REDIC1: variants seen among roughly 807,000 people sequenced by gnomAD.
The protein encoded by REDIC1 is HEI10 Interacting Protein 1.
chr12:39,678,478 A>G, the REDIC1 span, among the ~76,000 whole-genome samples: 1 of 152,066 alleles, frequency 6.6e-6, no homozygotes, highest in Admixed American at 6.5e-5. Context: ...GTCCGGGACC[A>G]GATGGATTCA....
At chr12:39,688,995 A>G in the REDIC1 span, among the ~76,000 whole-genome samples, 1 of 152,220 alleles carries the variant, frequency 6.6e-6, no homozygotes, top group African/African-American at 2.4e-5. Context: ...ACCCTTTTTA[A>G]TAGAATAGAG....
At chr12:39,698,380 C>T in the REDIC1 span, among the ~76,000 whole-genome samples, 1 of 149,622 alleles carries the variant, frequency 6.7e-6, no homozygotes, top group Non-Finnish European at 1.5e-5. Context: ...AAGAGACACA[C>T]TCCCAATACG....
At chr12:39,653,942 A>T in the REDIC1 span, among the ~76,000 whole-genome samples, 1 of 148,194 alleles carries the variant, frequency 6.7e-6, no homozygotes, top group East Asian at 2.0e-4. Context: ...GATGTTAGCT[A>T]TAGGTGTTTT....
the REDIC1 span, among the ~76,000 whole-genome samples, chr12:39,777,561 A>G: frequency 6.6e-6 from 1 of 152,176 alleles, no homozygotes; most frequent in African/African-American, 2.4e-5. Flanking sequence ...TTCCTGCACA[A>G]ATGTTGCACT....
the REDIC1 span, among the ~76,000 whole-genome samples, chr12:39,665,287 A>G: frequency 2.0e-5 from 3 of 152,230 alleles, no homozygotes; most frequent in Non-Finnish European, 4.4e-5. Flanking sequence ...AGCTTTCTAC[A>G]TATGGCTAGC....
chr12:39,900,994 T>C, the REDIC1 span, among the ~76,000 whole-genome samples: 1 of 152,056 alleles, frequency 6.6e-6, no homozygotes, highest in African/African-American at 2.4e-5. Flanking sequence ...AACAGAGATA[T>C]AGATCAATGG....
the REDIC1 span, chr12:39,864,637 C>T: frequency 7.7e-7 from 1 of 1,300,018 alleles, no homozygotes; most frequent in African/African-American, 1.5e-5. Flanking sequence ...CCATTTTCTT[C>T]CCTTCTTACA....
chr12:39,872,925 T>C, the REDIC1 span, among the ~76,000 whole-genome samples: 2 of 152,220 alleles, frequency 1.3e-5, no homozygotes, highest in African/African-American at 4.8e-5. Context: ...CCAAGCAATA[T>C]GTTAAATCAG....
At chr12:39,697,436 GATA>G in the REDIC1 span, among the ~76,000 whole-genome samples, 2 of 152,128 alleles carry the variant, frequency 1.3e-5, no homozygotes, top group African/African-American at 4.8e-5. Context: ...AAAACTCACT[GATA>G]ATAATAAGTA....
chr12:39,654,121 G>A, the REDIC1 span, among the ~76,000 whole-genome samples: 1 of 151,472 alleles, frequency 6.6e-6, no homozygotes, highest in African/African-American at 2.4e-5. Context: ...CCTTTATCAG[G>A]TTGTGAAAGT....
the REDIC1 span, among the ~76,000 whole-genome samples, chr12:39,897,351 C>T: frequency 6.6e-6 from 1 of 152,170 alleles, no homozygotes; most frequent in Admixed American, 6.6e-5. Context: ...TTTGAAATCT[C>T]ACTACCCCTT....
chr12:39,716,902 GTTTACC>G, the REDIC1 span: 2 of 1,148,624 alleles, frequency 1.7e-6, no homozygotes, highest in Non-Finnish European at 2.4e-6. Context: ...TTTTCTCATA[GTTTACC>G]TTTACCCTAT....
the REDIC1 span, chr12:39,721,801 T>C: frequency 6.6e-6 from 1 of 151,994 alleles, no homozygotes; most frequent in Non-Finnish European, 1.5e-5. Flanking sequence ...TTGCATAACA[T>C]AGTTTTTTTG....
chr12:39,697,656 T>C, the REDIC1 span, among the ~76,000 whole-genome samples: 1 of 152,142 alleles, frequency 6.6e-6, no homozygotes, highest in African/African-American at 2.4e-5. Context: ...TCTTTGCTCA[T>C]TTTTTTATGC....
chr12:39,840,976 G>A, the REDIC1 span, among the ~76,000 whole-genome samples: 7 of 152,102 alleles, frequency 4.6e-5, no homozygotes, highest in African/African-American at 1.7e-4. Context: ...AGTCCATGAA[G>A]ATAACAAGAT....
the REDIC1 span, among the ~76,000 whole-genome samples, chr12:39,807,425 G>C: frequency 6.6e-6 from 1 of 152,202 alleles, no homozygotes; most frequent in African/African-American, 2.4e-5. Flanking sequence ...AATTATGCAA[G>C]TTGTTATTCA....
At chr12:39,860,624 C>G in the REDIC1 span, among the ~76,000 whole-genome samples, 2 of 152,220 alleles carry the variant, frequency 1.3e-5, no homozygotes, top group Non-Finnish European at 2.9e-5. Flanking sequence ...ATTGCTGCAT[C>G]TTATTTTTAT....
chr12:39,742,418 C>T, the REDIC1 span, among the ~76,000 whole-genome samples: 1 of 152,138 alleles, frequency 6.6e-6, no homozygotes, highest in African/African-American at 2.4e-5. Flanking sequence ...GCGCTCTTGG[C>T]ACCTTCACAT....
the REDIC1 span, among the ~76,000 whole-genome samples, chr12:39,794,452 A>G: frequency 6.6e-6 from 1 of 152,186 alleles, no homozygotes; most frequent in Non-Finnish European, 1.5e-5. Context: ...TTCCCCATAC[A>G]TAATTAACTA....
Sources: gnomAD v4.1 joint callset for allele counts (sites outside exome capture counted in the v4.1 genomes callset) on GRCh38, gnomAD v4.1.1 for gene constraint, MANE v1.5 for transcripts, NCBI Gene and HGNC (gene_info 2026-07-23, HGNC 2026-07-21) for gene names.